MYO19: variants seen among roughly 807,000 people sequenced by gnomAD.
MYO19 encodes myosin XIX.
MYO19 carries 132 observed loss-of-function variants against 129.2 expected under a neutral mutation model. The ratio of observed to expected loss-of-function variants is 1.02; its 90% CI spans 0.89 to 1.18. The LOEUF (loss-of-function observed/expected upper bound fraction) is 1.18, where lower values mean the gene tolerates loss of function less well. MYO19 is among the 50% of genes most tolerant of loss of function. MYO19 has a pLI of 0.00. For missense variants in MYO19, 1,210 were observed against 1,216.7 expected, an observed-to-expected ratio of 0.99 and a Z score of 0.08; for synonymous variants, 531 against 477.2, an observed-to-expected ratio of 1.11 and a Z score of -1.47.
exon 1 of MYO19, chr17:36,543,337 T>TA (rs1288626997): frequency 5.3e-5 from 8 of 151,778 alleles, no homozygotes; most frequent in Non-Finnish European, 1.2e-4. Flanking sequence ...GTATTTTTAG[T>TA]AGAGACTGGG....
chr17:36,528,286 G>C (rs2073610985), intron 3 of MYO19, 84 bp from the exon 4 acceptor site: 2 of 1,404,600 alleles, frequency 1.4e-6, no homozygotes, highest in Admixed American at 2.1e-5. Context: ...AGGCGGGCAG[G>C]ACACAAAGTG....
upstream of MYO19, among the ~76,000 whole-genome samples, chr17:36,535,865 C>G (rs1046194258): frequency 5.9e-5 from 9 of 151,424 alleles, no homozygotes; most frequent in Admixed American, 2.0e-4. Flanking sequence ...GCGATCCTCT[C>G]TCCTCCCAAA....
intron 6 of MYO19, among the ~76,000 whole-genome samples, chr17:36,517,112 TA>T (rs1214022813): frequency 1.3e-5 from 2 of 152,252 alleles, no homozygotes; most frequent in Non-Finnish European, 2.9e-5. Flanking sequence ...CCATTTCATC[TA>T]AATTGTATAA....
chr17:36,532,534 A>G lies in MYO19; in HGVS notation c.5T>C (p.Leu2Pro), dbSNP rs1450960136. 1 of 1,554,988 alleles carries G rather than the reference A, an allele frequency of 6.4e-7. No homozygotes were observed. The highest frequency in any genetic ancestry group is 1.7e-4 in the Middle Eastern group (1 of 5,990). Residue 2 changes from leucine (L) to proline (P), a missense_variant, in exon 3 of 26, where the codon CTC (leucine) becomes CCC (proline). Coordinates refer to ENST00000614623, the MANE Select transcript of MYO19 (RefSeq NM_001163735.2). ...CTAAGGTTGAGGTTTTACCTGCTGG[A>G]GCATCCTCCTTCAAAGTGGTCAGCC... M[L>P]QQVNGHNPGS...
chr17:36,507,468 G>A lies in MYO19; in HGVS notation c.1398C>T (p.Tyr466=). Residue 466 remains tyrosine (Y), a synonymous_variant, in exon 16 of 26, where the codon TAC becomes TAT. Coordinates refer to ENST00000614623, the MANE Select transcript of MYO19 (RefSeq NM_001163735.2). ...GATCCAAACAGGGCTGGTTGTCCTG[G>A]TAGTTGATGAATGACCACTCCAGGC... The part of the protein sequence containing the change: ...VEGLEWSFIN[Y]QDNQPCLDLI... 1 of 1,613,770 alleles carries A rather than the reference G, an allele frequency of 6.2e-7. No individual in the cohort carries two copies. The highest frequency in any genetic ancestry group is 8.5e-7 in the Non-Finnish European group (1 of 1,179,864).
chr17:36,509,139 T>C lies in MYO19; in HGVS notation c.1158-4A>G, dbSNP rs756675499. The C allele has an allele frequency of 5.6e-6, 9 of 1,613,472 alleles. No individual in the cohort carries two copies. The highest frequency in any genetic ancestry group is 2.7e-5 in the African/African-American group (2 of 74,892). Reference sequence around the variant, plus strand: ...TGATACCAGCCAGTCAAACAACCTGTTGGGGGAAGAGAGTGGACTCTGGTA... The same window carrying C: ...TGATACCAGCCAGTCAAACAACCTGCTGGGGGAAGAGAGTGGACTCTGGTA... On this transcript the variant is annotated splice_polypyrimidine_tract_variant and splice_region_variant and intron_variant, in intron 13 of 25. Coordinates refer to ENST00000614623, the MANE Select transcript of MYO19 (RefSeq NM_001163735.2).
chr17:36,515,983 G>A lies in MYO19; in HGVS notation c.422C>T (p.Thr141Met), dbSNP rs572526443. The change falls in exon 7 of 26, where the codon ACG becomes ATG. Residue 141 changes from threonine (T) to methionine (M), a missense_variant. Thr to Met is a moderately conservative substitution (Grantham distance 81). Transcript: ENST00000614623. ...ATAGAACTTCATTAGGCAGCGAGAC[G>A]TCCATGTCTGTGGCAGAAACAGCCC... is the stretch of plus-strand genomic sequence containing the variant. Reference protein sequence around the residue: ...SGESGAGKTWTSRCLMKFYAV... With the variant: ...SGESGAGKTWMSRCLMKFYAV... 3.9e-4 allele frequency: 634 copies of A among 1,610,380 alleles called. 9 individuals carry two copies. The South Asian group carries it at 6.5e-3, about 17-fold the overall frequency.
At chr17:36,538,547 C>G (rs2074175324), upstream of MYO19, 2 of 1,613,736 alleles carry the variant, frequency 1.2e-6, no homozygotes, top group Non-Finnish European at 8.5e-7. Context: ...TGGTCAATCT[C>G]TATATGTTTT....
chr17:36,528,139 C>T lies in MYO19; in HGVS notation c.76G>A (p.Glu26Lys), dbSNP rs1226617080. 6.2e-7 allele frequency: 1 copy of T among 1,612,766 alleles called. No individual in the cohort carries two copies. Among genetic ancestry groups the T allele is most frequent in the Non-Finnish European group, 8.5e-7 (1 of 1,179,398 alleles). Residue 26 changes from glutamate (E) to lysine (K), a missense_variant, in exon 4 of 26, where the codon GAG (glutamate) becomes AAG (lysine). Physicochemically the swap from Glu to Lys is moderately conservative, Grantham distance 56. Coordinates refer to ENST00000614623, the MANE Select transcript of MYO19 (RefSeq NM_001163735.2). ...AREYLREDLQ[E>K]FLGGEVLLYK... ...AGCAGGACCTCCCCACCCAGGAACTCCTGCAGGTCTTCTCTGAGGTACTCC... is the reference window on the plus strand; with the variant it reads ...AGCAGGACCTCCCCACCCAGGAACTTCTGCAGGTCTTCTCTGAGGTACTCC...
chr17:36,495,698 A>C lies in MYO19; in HGVS notation c.*553T>G, dbSNP rs1271912363. On this transcript the variant is annotated 3_prime_UTR_variant, in exon 26 of 26. Coordinates refer to ENST00000614623, the MANE Select transcript of MYO19 (RefSeq NM_001163735.2). ...ACATCATAAACGATATCAAGCTTAC[A>C]CTTCATATGGAGTTAAACTTGGTCA... 1.3e-5 allele frequency: 17 copies of C among 1,260,748 alleles called. No homozygotes were observed. The highest frequency in any genetic ancestry group is 1.7e-5 in the Non-Finnish European group (17 of 1,005,120). The allele number at this position is 1,260,748 out of a possible 1,614,324, so 78.1% of individuals were successfully genotyped here. A position where few individuals can be genotyped will look rare whatever the true frequency, so the allele number is the denominator to read the frequency against.
At chr17:36,503,015 C>A in intron 21 of MYO19, 82 bp downstream of exon 21, 1 of 1,190,596 alleles carries the variant, frequency 8.4e-7, no homozygotes, top group East Asian at 2.3e-5. Context: ...TAAGCCCCAG[C>A]CCCTAGCCCT....
intron 14 of MYO19, 56 bp downstream of exon 14, chr17:36,509,006 C>T: frequency 1.7e-5 from 26 of 1,513,624 alleles, no homozygotes; most frequent in Non-Finnish European, 2.4e-5. Flanking sequence ...GCCTCTCCAT[C>T]CAGGGCTTTA....
At chr17:36,500,754 G>A (rs369925478) in intron 23 of MYO19, 76 bp downstream of exon 23, 16 of 1,521,842 alleles carry the variant, frequency 1.1e-5, no homozygotes, top group Admixed American at 5.7e-5. Flanking sequence ...ATGGGGACTC[G>A]ACGAGCTATG....
At chr17:36,512,831 G>C (rs2072457086) in intron 11 of MYO19, 2 of 1,254,646 alleles carry the variant, frequency 1.6e-6, no homozygotes, top group African/African-American at 3.1e-5. Flanking sequence ...AGCAAAGACA[G>C]AAGGGAGGCC....
intron 6 of MYO19, among the ~76,000 whole-genome samples, chr17:36,523,627 T>C (rs929215910): frequency 3.9e-5 from 6 of 152,346 alleles, no homozygotes; most frequent in African/African-American, 1.4e-4. Context: ...TAGTATATTA[T>C]ATGGCTCTGC....
intron 7 of MYO19, among the ~76,000 whole-genome samples, chr17:36,515,445 A>G (rs540355444): frequency 9.2e-5 from 14 of 152,334 alleles, no homozygotes; most frequent in Admixed American, 2.6e-4. Flanking sequence ...TTTGAAGGGA[A>G]AGGTCAAAAA....
chr17:36,512,811 C>A, intron 11 of MYO19: 1 of 1,272,620 alleles, frequency 7.9e-7, no homozygotes, highest in Non-Finnish European at 1.0e-6. Context: ...AGGAGGTAGT[C>A]AGCTCTGTCA....
intron 6 of MYO19, among the ~76,000 whole-genome samples, chr17:36,518,346 T>C (rs1237259779): frequency 6.7e-6 from 1 of 150,362 alleles, no homozygotes; most frequent in Non-Finnish European, 1.5e-5. Flanking sequence ...AATACAAAAA[T>C]TAGCCAGGTG....
intron 13 of MYO19, among the ~76,000 whole-genome samples, 157 bp downstream of exon 13, chr17:36,510,589 G>C (rs575147834): frequency 2.2e-4 from 34 of 152,322 alleles, no homozygotes; most frequent in African/African-American, 7.2e-4. Context: ...GCTGTGCCCT[G>C]ATGTGTCCAG....
Sources: allele counts gnomAD v4.1 joint callset (sites outside exome capture counted in the v4.1 genomes callset), GRCh38; gene constraint gnomAD v4.1.1; transcripts MANE v1.5; gene names NCBI Gene and HGNC (gene_info 2026-07-23, HGNC 2026-07-21).